SCFD1: variants seen among roughly 807,000 people sequenced by gnomAD.
SCFD1 encodes sec1 family domain containing 1.
A neutral mutation model predicts 103.2 loss-of-function variants in SCFD1; 37 were observed. The ratio of observed to expected loss-of-function variants is 0.36; its 90% CI spans 0.28 to 0.47. SCFD1 has a LOEUF of 0.47. SCFD1 is among the 20% of genes least tolerant of loss of function. The probability of loss-of-function intolerance (pLI) is 1.00; values close to 1 mark genes in which losing one functional copy is unlikely to be tolerated. For synonymous variants in SCFD1, 264 were observed against 245.0 expected (o/e 1.08, Z -0.73); for missense variants, 639 against 761.2 (o/e 0.84, Z 1.89).
intron 4 of SCFD1, among the ~76,000 whole-genome samples, chr14:30,637,835 A>G (rs1361034452): frequency 1.3e-5 from 2 of 152,154 alleles, no homozygotes; most frequent in African/African-American, 2.4e-5. Context: ...CCATATCTGG[A>G]TATTTTAAGA....
At chr14:30,715,677 C>A in intron 19 of SCFD1, 1 of 302,314 alleles carries the variant, frequency 3.3e-6, no homozygotes, top group Non-Finnish European at 6.0e-6. Context: ...TGTATTTGTA[C>A]TAAAACCTGA....
At chr14:30,659,103 T>C (rs187569560) in intron 10 of SCFD1, among the ~76,000 whole-genome samples, 7 of 152,144 alleles carry the variant, frequency 4.6e-5, no homozygotes, top group South Asian at 2.1e-4. Flanking sequence ...TGAACTTGGA[T>C]TGAATTTTTA....
At position 30,690,516 on chromosome 14, in the gene SCFD1, C is replaced by T. The variant is rs942951843; in HGVS notation, c.1243-4257C>T. Among the ~76,000 whole-genome samples, 6 of 124,784 alleles carry T rather than the reference C, an allele frequency of 4.8e-5. 1 individual carries two copies. Among genetic ancestry groups the T allele is most frequent in the African/African-American group, 1.2e-4 (3 of 25,924 alleles). The allele number at this position is 124,784 out of a possible 152,430, so 81.9% of individuals were successfully genotyped here. ...AGGTGTGGGATATAGTCTCGTGGTG[C>T]GCCGTTTCTTAAGCCGGTCTGAAAA... is the stretch of plus-strand genomic sequence containing the variant. On this transcript the variant is annotated intron_variant, in intron 14 of 24. Transcript: ENST00000458591.
chr14:30,713,913 A>G (rs1223612926), intron 19 of SCFD1, among the ~76,000 whole-genome samples: 1 of 152,210 alleles, frequency 6.6e-6, no homozygotes, highest in East Asian at 1.9e-4. Context: ...ATTCCTAACT[A>G]TAGTTTTCTC....
intron 23 of SCFD1, 60 bp downstream of exon 23, chr14:30,722,619 C>CA (rs1346993521): frequency 9.7e-7 from 1 of 1,035,768 alleles, no homozygotes; most frequent in African/African-American, 1.6e-5. Context: ...AGAACACTAG[C>CA]ATACTCTGAT....
intron 17 of SCFD1, among the ~76,000 whole-genome samples, chr14:30,702,744 G>C (rs1891166503): frequency 6.6e-6 from 1 of 152,060 alleles, no homozygotes; most frequent in Non-Finnish European, 1.5e-5. Flanking sequence ...CAAGGATACA[G>C]GAAAATTCAC....
chr14:30,722,512 G>A lies in SCFD1; in HGVS notation c.1789G>A (p.Gly597Arg). The change falls in exon 23 of 25, where the codon GGA becomes AGA. Residue 597 changes from glycine (G) to arginine (R), a missense_variant. By Grantham distance (125) the Gly-to-Arg change is moderately radical. Coordinates refer to ENST00000458591, the MANE Select transcript of SCFD1 (RefSeq NM_016106.4). Reference protein sequence around the residue: ...PFQEAIVFVVGGGNYIEYQNL... With the variant: ...PFQEAIVFVVRGGNYIEYQNL... The stretch of plus-strand genomic sequence containing the variant: ...ATTTTAGGCCATTGTTTTTGTGGTG[G>A]GAGGAGGCAACTACATTGAATATCA... 1 of 1,601,652 alleles carries A rather than the reference G, an allele frequency of 6.2e-7. No homozygotes were observed.
At position 30,716,268 on chromosome 14, in the gene SCFD1, A is replaced by G. The variant is rs535897545; in HGVS notation, c.1683+291A>G. ...AATATATCCTAAGGAACAAATTTCT[A>G]TAAATGAAAAAAGAACCAGTGAGCA... On this transcript the variant is annotated intron_variant, in intron 20 of 24. Coordinates refer to ENST00000458591, the MANE Select transcript of SCFD1 (RefSeq NM_016106.4). Among the ~76,000 whole-genome samples the G allele has an allele frequency of 2.0e-5, 3 of 152,374 alleles. No homozygotes were observed. The East Asian group carries it at 5.8e-4, about 29-fold the overall frequency.
chr14:30,656,091 G>A (rs908962895), intron 10 of SCFD1, among the ~76,000 whole-genome samples: 7 of 151,784 alleles, frequency 4.6e-5, no homozygotes, highest in Non-Finnish European at 1.0e-4. Flanking sequence ...CTCCAGCCTG[G>A]GTAACAGAGT....
chr14:30,710,158 T>A (rs1891763816), intron 19 of SCFD1, among the ~76,000 whole-genome samples: 2 of 152,024 alleles, frequency 1.3e-5, no homozygotes, highest in Non-Finnish European at 2.9e-5. Flanking sequence ...TTATTTGGAG[T>A]GCATAAGATA....
chr14:30,656,280 C>T (rs918288183), intron 10 of SCFD1, among the ~76,000 whole-genome samples: 1 of 152,022 alleles, frequency 6.6e-6, no homozygotes, highest in Non-Finnish European at 1.5e-5. Flanking sequence ...TTTTAAATGA[C>T]GGAAATTACA....
rs1033640840 is a variant in SCFD1 at position 30,692,428 on chromosome 14, G to A, written c.1243-2345G>A. Reference sequence around the variant, plus strand: ...GGAGTAATGAGTTATTTTGGCCAAGGAGGAGACTGGGAGAGGGTCAGAAAA... The same window carrying A: ...GGAGTAATGAGTTATTTTGGCCAAGAAGGAGACTGGGAGAGGGTCAGAAAA... On this transcript the variant is annotated intron_variant, in intron 14 of 24. Transcript: ENST00000458591. Among the ~76,000 whole-genome samples, 3 of 152,148 alleles carry A rather than the reference G, an allele frequency of 2.0e-5. No homozygotes were observed. The South Asian group carries it at 6.2e-4, about 32-fold the overall frequency.
chr14:30,642,300 C>G (rs988762864), intron 6 of SCFD1, among the ~76,000 whole-genome samples: 2 of 152,110 alleles, frequency 1.3e-5, no homozygotes, highest in Non-Finnish European at 2.9e-5. Flanking sequence ...GTTAGCCAGG[C>G]TAGTAGTCTC....
intron 1 of SCFD1, among the ~76,000 whole-genome samples, chr14:30,627,586 G>A (rs111609869): frequency 0.02 from 3,071 of 151,676 alleles, 131 homozygotes; most frequent in African/African-American, 0.07. Flanking sequence ...ATCTCTACTA[G>A]AAATACAAAA....
At chr14:30,702,808 A>G (rs1471773452) in intron 17 of SCFD1, among the ~76,000 whole-genome samples, 1 of 152,194 alleles carries the variant, frequency 6.6e-6, no homozygotes, top group African/African-American at 2.4e-5. Context: ...ATTTTTCTGG[A>G]TGGTATAAAG....
At chr14:30,718,528 T>C (rs933361778) in intron 20 of SCFD1, among the ~76,000 whole-genome samples, 2 of 152,228 alleles carry the variant, frequency 1.3e-5, no homozygotes, top group African/African-American at 4.8e-5. Context: ...CCTTCTCCTG[T>C]TCCCAGATGG....
At chr14:30,630,125 A>G (rs1300008628) in intron 2 of SCFD1, among the ~76,000 whole-genome samples, 3 of 152,166 alleles carry the variant, frequency 2.0e-5, no homozygotes, top group Admixed American at 6.5e-5. Context: ...CCTAGAAAAA[A>G]GAATTTTATA....
chr14:30,674,916 G>C, intron 13 of SCFD1, 68 bp from the exon 14 acceptor site: 4 of 833,730 alleles, frequency 4.8e-6, no homozygotes, highest in Non-Finnish European at 7.5e-6. Flanking sequence ...GAAACACCAG[G>C]CATGAGATAA....
chr14:30,682,608 A>G (rs1429824874), intron 14 of SCFD1, among the ~76,000 whole-genome samples: 3 of 152,242 alleles, frequency 2.0e-5, no homozygotes, highest in East Asian at 1.9e-4. Context: ...TATACATACA[A>G]TAATGAACAA....
Sources: allele counts gnomAD v4.1 joint callset (sites outside exome capture counted in the v4.1 genomes callset), GRCh38; gene constraint gnomAD v4.1.1; transcripts MANE v1.5; gene names NCBI Gene and HGNC (gene_info 2026-07-23, HGNC 2026-07-21).